Variants in RAB31 observed in about 807,000 individuals in gnomAD.
The protein encoded by RAB31 is RAB31, member RAS oncogene family.
A neutral mutation model predicts 25.6 loss-of-function variants in RAB31; 21 were observed. The observed-to-expected ratio is 0.82, with a 90% CI of 0.58 to 1.18. The LOEUF (loss-of-function observed/expected upper bound fraction) is 1.18. RAB31 is among the 50% of genes most tolerant of loss of function. The pLI is 0.00. For missense variants in RAB31, 196 were observed against 250.1 expected, an observed-to-expected ratio of 0.78 and a Z score of 1.46; for synonymous variants, 87 against 84.0, an observed-to-expected ratio of 1.04 and a Z score of -0.20.
At chr18:9,777,913 C>G (rs547080116) in intron 2 of RAB31, among the ~76,000 whole-genome samples, 1 of 152,024 alleles carries the variant, frequency 6.6e-6, no homozygotes, top group South Asian at 2.1e-4. Flanking sequence ...CGCCACCATG[C>G]CCAGCTAATT....
intron 1 of RAB31, among the ~76,000 whole-genome samples, chr18:9,752,427 G>A (rs1228400669): frequency 5.3e-5 from 8 of 152,154 alleles, no homozygotes; most frequent in Admixed American, 3.3e-4. Flanking sequence ...GTTTAGCCAT[G>A]TTGGCCAGGC....
chr18:9,822,453 T>C (rs533610562), intron 5 of RAB31, among the ~76,000 whole-genome samples: 1 of 152,210 alleles, frequency 6.6e-6, no homozygotes, highest in Non-Finnish European at 1.5e-5. Context: ...GAAATACTGA[T>C]AAATTAGACA....
intron 1 of RAB31, among the ~76,000 whole-genome samples, chr18:9,760,149 TTCTC>T (rs1171928501): frequency 5.8e-5 from 4 of 68,644 alleles, no homozygotes; most frequent in South Asian, 1.3e-3. Flanking sequence ...TGAAATGAGC[TTCTC>T]TTTCTTTTCT....
At chr18:9,737,035 T>A (rs2068154572) in intron 1 of RAB31, among the ~76,000 whole-genome samples, 1 of 152,226 alleles carries the variant, frequency 6.6e-6, no homozygotes, top group Non-Finnish European at 1.5e-5. Context: ...ATTTAAAAAA[T>A]GGATCAATAG....
chr18:9,858,944 G>C (rs1469011593), intron 6 of RAB31, among the ~76,000 whole-genome samples: 2 of 152,148 alleles, frequency 1.3e-5, no homozygotes, highest in South Asian at 2.1e-4. Flanking sequence ...CCCAGGAGTG[G>C]ATCTTCCTAG....
At chr18:9,736,768 T>TA (rs1209129258) in intron 1 of RAB31, among the ~76,000 whole-genome samples, 3 of 152,166 alleles carry the variant, frequency 2.0e-5, no homozygotes, top group Non-Finnish European at 4.4e-5. Context: ...ATTGTGGTGG[T>TA]AAAAAAACTT....
chr18:9,853,523 C>T (rs499051), intron 6 of RAB31, among the ~76,000 whole-genome samples: 151,686 of 152,316 alleles, frequency 1, 75,532 homozygotes, highest in East Asian at 1. Flanking sequence ...TTGCTGTGGG[C>T]TGTCAGGGAA....
chr18:9,847,105 T>G (rs1041749134), intron 6 of RAB31, among the ~76,000 whole-genome samples: 1 of 152,226 alleles, frequency 6.6e-6, no homozygotes, highest in African/African-American at 2.4e-5. Flanking sequence ...TCATGGTCAG[T>G]GGGTGCAGAT....
chr18:9,718,372 G>C (rs1284120568), intron 1 of RAB31, among the ~76,000 whole-genome samples: 1 of 152,024 alleles, frequency 6.6e-6, no homozygotes, highest in African/African-American at 2.4e-5. Context: ...CAGTTCTCTT[G>C]CGTCAGCCTC....
At chr18:9,814,198 T>C in intron 4 of RAB31, 107 bp downstream of exon 4, 1 of 755,870 alleles carries the variant, frequency 1.3e-6, no homozygotes, top group South Asian at 1.6e-5. Context: ...AGCGTGCCAC[T>C]ATATATTGAG....
chr18:9,708,642 C>T lies in RAB31; in HGVS notation c.39+198C>T, dbSNP rs2067999024. 6.6e-6 allele frequency among the ~76,000 whole-genome samples: 1 copy of T among 150,828 alleles called. No individual in the cohort carries two copies. Among genetic ancestry groups the T allele is most frequent in the South Asian group, 2.1e-4 (1 of 4,744 alleles). ...CCTAGTCCGTGCGCCCCTCGCTCTCCGCGCCCCTCGCTCTCCGCACCCCGC... is the reference window on the plus strand; with the variant it reads ...CCTAGTCCGTGCGCCCCTCGCTCTCTGCGCCCCTCGCTCTCCGCACCCCGC... On this transcript the variant is annotated intron_variant, in intron 1 of 6. Transcript: ENST00000578921. This position sits in a 1 kb window ranked among gnomAD's most constrained non-coding sequence, Gnocchi z 6.4.
chr18:9,792,381 A>G (rs1439740151), intron 3 of RAB31, 146 bp downstream of exon 3: 3 of 1,397,006 alleles, frequency 2.1e-6, no homozygotes, highest in African/African-American at 2.9e-5. Flanking sequence ...AAATGTACTC[A>G]TTAGCTATGT....
rs2068845767 is a variant in RAB31, at chr18:9,861,197, C to T, written c.*1872C>T. 2 of 151,740 alleles carry T rather than the reference C, an allele frequency of 1.3e-5. No homozygotes were observed. The highest frequency in any genetic ancestry group is 2.1e-4 in the South Asian group (1 of 4,818). 9.4% of individuals were successfully genotyped at this position (151,740 alleles called of 1,614,324 possible). A position where few individuals can be genotyped will look rare whatever the true frequency, so the allele number is the denominator to read the frequency against. ...TTGTAACCTTTCCTCATCCAGTTTT[C>T]CCTGAGAACCTGGGTTTATCTCTAG... On this transcript the variant is annotated 3_prime_UTR_variant, in exon 7 of 7. Transcript: ENST00000578921.
intron 2 of RAB31, among the ~76,000 whole-genome samples, chr18:9,780,366 AG>A (rs1432061242): frequency 6.6e-6 from 1 of 152,170 alleles, no homozygotes; most frequent in Non-Finnish European, 1.5e-5. Flanking sequence ...TGATTATAAA[AG>A]TATTATATAC....
chr18:9,719,287 A>T (rs2068060084), intron 1 of RAB31, among the ~76,000 whole-genome samples: 1 of 66,826 alleles, frequency 1.5e-5, no homozygotes, highest in Admixed American at 2.2e-4. Context: ...AAAAAAAAAA[A>T]AAAAAAAAAA....
intron 1 of RAB31, among the ~76,000 whole-genome samples, chr18:9,749,184 A>G (rs1487458087): frequency 6.6e-6 from 1 of 152,196 alleles, no homozygotes; most frequent in Non-Finnish European, 1.5e-5. Context: ...TACTTTATTC[A>G]TTTAAGTGGC....
chr18:9,729,077 T>C (rs1437943394), intron 1 of RAB31, among the ~76,000 whole-genome samples: 1 of 152,226 alleles, frequency 6.6e-6, no homozygotes, highest in African/African-American at 2.4e-5. Flanking sequence ...TTATTTGTAT[T>C]GCATATGTTT....
At chr18:9,731,081 A>G (rs2068120641) in intron 1 of RAB31, among the ~76,000 whole-genome samples, 1 of 152,190 alleles carries the variant, frequency 6.6e-6, no homozygotes, top group African/African-American at 2.4e-5. Context: ...TTAACAGCAT[A>G]TCTGCTGTTT....
In RAB31 at chr18:9,730,288, CT is replaced by C. The variant is rs34004989; in HGVS notation, c.39+21860del. On this transcript the variant is annotated intron_variant, in intron 1 of 6. Coordinates refer to ENST00000578921, the MANE Select transcript of RAB31 (RefSeq NM_006868.4). ...CAAAGTCCTTCGAGCCTCACCTTAT[CT>C]TTTTTTTTTTTTTTTGACACAGAGT... Among the ~76,000 whole-genome samples the C allele has an allele frequency of 6.1e-3, 861 of 140,874 alleles. 7 individuals carry two copies. Among genetic ancestry groups the C allele is most frequent in the African/African-American group, 0.017 (655 of 38,010 alleles). The allele number at this position is 140,874 out of a possible 152,430, so 92.4% of individuals were successfully genotyped here. A position where few individuals can be genotyped will look rare whatever the true frequency, so the allele number is the denominator to read the frequency against.
Sources: gnomAD v4.1 joint callset for allele counts (sites outside exome capture counted in the v4.1 genomes callset) on GRCh38, gnomAD v4.1.1 for gene constraint, Gnocchi (gnomAD v3.1) non-coding constraint, MANE v1.5 for transcripts, NCBI Gene and HGNC (gene_info 2026-07-23, HGNC 2026-07-21) for gene names.